The following ADGRV1 variants were observed in gnomAD, a reference collection of about 807,000 sequenced individuals.
ADGRV1 encodes the protein G-protein coupled receptor 98.
ADGRV1 carries 359 observed loss-of-function variants against 596.2 expected under a neutral mutation model. The ratio of observed to expected loss-of-function variants is 0.60; its 90% CI spans 0.55 to 0.66. The LOEUF (loss-of-function observed/expected upper bound fraction) is 0.66, where lower values mean the gene tolerates loss of function less well. Ranked by LOEUF, ADGRV1 falls within the 30% of genes least tolerant of loss-of-function variation. The pLI is 0.00. For missense variants in ADGRV1, 7,274 were observed against 7,575.6 expected (o/e 0.96, Z 1.48); for synonymous variants, 2,681 against 2,679.2 (o/e 1.00, Z -0.02).
At chr5:90,983,244 G>A (rs1200618607) in intron 84 of ADGRV1, among the ~76,000 whole-genome samples, 73 of 152,222 alleles carry the variant, frequency 4.8e-4, no homozygotes, top group Non-Finnish European at 5.9e-5. Context: ...AGCACTGCAT[G>A]TATAAATCTA....
At chr5:91,020,130 C>T (rs886987226) in intron 85 of ADGRV1, among the ~76,000 whole-genome samples, 1 of 152,022 alleles carries the variant, frequency 6.6e-6, no homozygotes, top group Non-Finnish European at 1.5e-5. Context: ...GCAAGTGATG[C>T]TCCTATCCGT....
chr5:90,781,539 G>A lies in ADGRV1; in HGVS notation c.13192G>A (p.Gly4398Ser). Reference sequence around the variant, plus strand: ...AATAATGAAAAATGATAACGCAGAAGGCATCATTGAATTTGACCCAAAGTA... The same window carrying A: ...AATAATGAAAAATGATAACGCAGAAAGCATCATTGAATTTGACCCAAAGTA... The part of the protein sequence containing the change: ...IIIMKNDNAE[G>S]IIEFDPKYTA... The change falls in exon 65 of 90, where the codon GGC becomes AGC. Residue 4398 changes from glycine (G) to serine (S), a missense_variant. Gly to Ser is a moderately conservative substitution (Grantham distance 56). Around this residue, in one of 5 missense-constraint regions of ADGRV1, gnomAD observed 3,643 missense variants for 3,809.2 expected, o/e 0.96. Coordinates refer to ENST00000405460, the MANE Select transcript of ADGRV1 (RefSeq NM_032119.4). 2 of 1,610,974 alleles carry A rather than the reference G, an allele frequency of 1.2e-6. No individual in the cohort carries two copies. Among genetic ancestry groups the A allele is most frequent in the Non-Finnish European group, 1.7e-6 (2 of 1,178,210 alleles).
At chr5:90,799,189 G>T (rs1008082054) in intron 70 of ADGRV1, among the ~76,000 whole-genome samples, 17 of 152,264 alleles carry the variant, frequency 1.1e-4, no homozygotes, top group South Asian at 1.0e-3. Flanking sequence ...CATCATCTCA[G>T]CCCCAGATAT....
intron 85 of ADGRV1, among the ~76,000 whole-genome samples, chr5:91,003,630 G>T (rs1222269489): frequency 6.6e-6 from 1 of 152,160 alleles, no homozygotes; most frequent in East Asian, 1.9e-4. Context: ...AATTAAATGT[G>T]TGTACACACT....
At chr5:90,782,571 T>A (rs574037681) in intron 65 of ADGRV1, among the ~76,000 whole-genome samples, 3 of 152,284 alleles carry the variant, frequency 2.0e-5, no homozygotes, top group Admixed American at 2.0e-4. Flanking sequence ...TTGAAAATAA[T>A]GTTTAAGTTG....
chr5:90,810,964 A>G lies in ADGRV1; in HGVS notation c.15704A>G (p.Asn5235Ser). Reference sequence around the variant, plus strand: ...GTTTATATTGAAGAGGAGATGAAGAATGGCACATTCAACACTGCAGAAGTT... The same window carrying G: ...GTTTATATTGAAGAGGAGATGAAGAGTGGCACATTCAACACTGCAGAAGTT... ...SIVYIEEEMK[N>S]GTFNTAEVLI... Residue 5235 changes from asparagine (N) to serine (S), a missense_variant, in exon 74 of 90, where the codon AAT becomes AGT. Physicochemically the swap from Asn to Ser is conservative, Grantham distance 46. This residue lies in a region of ADGRV1 where 1,874 missense variants were observed against 1,970.2 expected (regional missense o/e 0.95). Transcript: ENST00000405460. 6.2e-7 allele frequency: 1 copy of G among 1,614,036 alleles called. No homozygotes were observed.
At chr5:90,740,797 CT>C (rs1753862580) in intron 50 of ADGRV1, among the ~76,000 whole-genome samples, 1 of 152,194 alleles carries the variant, frequency 6.6e-6, no homozygotes, top group African/African-American at 2.4e-5. Context: ...TCCAACTCAA[CT>C]CTCTCTTCCC....
chr5:90,672,578 G>C lies in ADGRV1; in HGVS notation c.4785G>C (p.Val1595=). ...IAEEGSTISC[V]VERTRGALDY... ...AGGAGGGATCAACCATTTCTTGTGT[G>C]GTTGAGAGAACCAGAGGAGCTCTGG... The change falls in exon 22 of 90, where the codon GTG becomes GTC. Residue 1595 remains valine (V), a synonymous_variant. Transcript: ENST00000405460. 6.2e-7 allele frequency: 1 copy of C among 1,613,692 alleles called. No individual in the cohort carries two copies. The highest frequency in any genetic ancestry group is 8.5e-7 in the Non-Finnish European group (1 of 1,179,708).
Position 90,652,428 on chromosome 5 carries a change from C to CA in ADGRV1, c.3500dup (p.Glu1168GlyfsTer4). The CA allele has an allele frequency of 6.2e-7, 1 of 1,613,292 alleles. No homozygotes were observed. The highest frequency in any genetic ancestry group is 1.3e-5 in the African/African-American group (1 of 75,034). ...GAATGATTCTGCTTTGCAGCCTGGG[C>CA]AGGAGTTCTATGAAACTTCAGGAAC... On this transcript the variant is annotated frameshift_variant, in exon 19 of 90. Coordinates refer to ENST00000405460, the MANE Select transcript of ADGRV1 (RefSeq NM_032119.4). LOFTEE classifies it high-confidence loss of function.
At chr5:90,773,799 C>A (rs1323084832) in intron 59 of ADGRV1, among the ~76,000 whole-genome samples, 1 of 152,132 alleles carries the variant, frequency 6.6e-6, no homozygotes, top group African/African-American at 2.4e-5. Flanking sequence ...CTGTGGTTGC[C>A]CCTACAACTG....
At chr5:91,062,297 C>T (rs1787506821) in intron 85 of ADGRV1, among the ~76,000 whole-genome samples, 2 of 152,202 alleles carry the variant, frequency 1.3e-5, no homozygotes, top group African/African-American at 4.8e-5. Flanking sequence ...GTCAAATTCT[C>T]AAGGGCAAAA....
intron 9 of ADGRV1, among the ~76,000 whole-genome samples, chr5:90,633,997 T>C (rs1203936010): frequency 6.6e-6 from 1 of 152,220 alleles, no homozygotes; most frequent in Non-Finnish European, 1.5e-5. Context: ...ATCACAGGTC[T>C]ACTGGTGATT....
At chr5:91,150,277 C>T in intron 88 of ADGRV1, 56 bp downstream of exon 88, 1 of 1,232,368 alleles carries the variant, frequency 8.1e-7, no homozygotes. Context: ...CTCTCTCTCT[C>T]TCTGTCTGTC....
intron 50 of ADGRV1, 49 bp from the exon 51 acceptor site, chr5:90,744,997 G>A (rs1298491828): frequency 7.6e-7 from 1 of 1,319,222 alleles, no homozygotes; most frequent in Admixed American, 1.7e-5. Context: ...GAGTGTGGGA[G>A]GTGACAGTTT....
chr5:90,771,741 A>G (rs767989831), intron 59 of ADGRV1, among the ~76,000 whole-genome samples: 3 of 152,214 alleles, frequency 2.0e-5, no homozygotes, highest in South Asian at 2.1e-4. Context: ...CTGCACTGCT[A>G]TTCAGCAGAA....
At chr5:90,765,243 GGCACTGT>G (rs994769208) in intron 59 of ADGRV1, among the ~76,000 whole-genome samples, 1 of 152,106 alleles carries the variant, frequency 6.6e-6, no homozygotes, top group African/African-American at 2.4e-5. Context: ...CGAGGCACTG[GGCACTGT>G]GCACTGTGCT....
At position 90,652,479 on chromosome 5, in the gene ADGRV1, G is replaced by C; in HGVS notation, c.3550G>C (p.Ala1184Pro). Residue 1184 changes from alanine (A) to proline (P), a missense_variant, in exon 19 of 90, where the codon GCA becomes CCA. Around this residue, in one of 5 missense-constraint regions of ADGRV1, gnomAD observed 1,715 missense variants for 1,708.8 expected, o/e 1.00. Coordinates refer to ENST00000405460, the MANE Select transcript of ADGRV1 (RefSeq NM_032119.4). ...TGTTAACTTCATGGATGGAGAAGAA[G>C]CAAAACCAATCATTCTCCATGCTTT... is the stretch of plus-strand genomic sequence containing the variant. Reference protein sequence around the residue: ...GTVNFMDGEEAKPIILHAFPD... With the variant: ...GTVNFMDGEEPKPIILHAFPD... 6.2e-7 allele frequency: 1 copy of C among 1,613,470 alleles called. No homozygotes were observed. Among genetic ancestry groups the C allele is most frequent in the Non-Finnish European group, 8.5e-7 (1 of 1,179,520 alleles).
intron 52 of ADGRV1, among the ~76,000 whole-genome samples, chr5:90,749,049 G>T (rs1047868673): frequency 6.6e-6 from 1 of 152,100 alleles, no homozygotes; most frequent in African/African-American, 2.4e-5. Context: ...CTGCTGTGTG[G>T]TTCCATCTTC....
chr5:90,655,559 T>G (rs1381086784), intron 20 of ADGRV1: 1 of 152,232 alleles, frequency 6.6e-6, no homozygotes, highest in East Asian at 1.9e-4. Flanking sequence ...GTTGAGCACA[T>G]TCCTGGGGAT....
Sources: allele counts gnomAD v4.1 joint callset (sites outside exome capture counted in the v4.1 genomes callset), GRCh38; gene constraint gnomAD v4.1.1; regional missense constraint gnomAD v4.1.1; transcripts MANE v1.5; gene names NCBI Gene and HGNC (gene_info 2026-07-23, HGNC 2026-07-21).